Variants in ATP13A3 observed in about 807,000 individuals in gnomAD.
The protein encoded by ATP13A3 is polyamine-transporting ATPase 13A3.
A neutral mutation model predicts 158.1 loss-of-function variants in ATP13A3; 59 were observed. The observed-to-expected ratio is 0.37, with a 90% CI of 0.30 to 0.46. The LOEUF (loss-of-function observed/expected upper bound fraction) is 0.46, where lower values mean the gene tolerates loss of function less well. Ranked by LOEUF, ATP13A3 falls within the 20% of genes least tolerant of loss-of-function variation. The pLI is 1.00. For synonymous variants in ATP13A3, 491 were observed against 504.3 expected, an observed-to-expected ratio of 0.97 and a Z score of 0.35; for missense variants, 1,166 against 1,525.2, an observed-to-expected ratio of 0.76 and a Z score of 3.92.
intron 14 of ATP13A3, among the ~76,000 whole-genome samples, chr3:194,446,137 T>A (rs1718385294): frequency 1.3e-5 from 2 of 152,162 alleles, no homozygotes; most frequent in African/African-American, 4.8e-5. Context: ...TTTGAGCAAA[T>A]AAGCAATATC....
chr3:194,471,622 G>A (rs1404371035), intron 2 of ATP13A3, among the ~76,000 whole-genome samples: 1 of 152,174 alleles, frequency 6.6e-6, no homozygotes, highest in African/African-American at 2.4e-5. Flanking sequence ...CCAAAGTGCT[G>A]GGATTACAGG....
At chr3:194,457,970 G>A (rs1719354679) in intron 6 of ATP13A3, among the ~76,000 whole-genome samples, 1 of 151,982 alleles carries the variant, frequency 6.6e-6, no homozygotes, top group Non-Finnish European at 1.5e-5. Context: ...AATTTTAGTA[G>A]AGAAGGGGTT....
chr3:194,477,408 G>C (rs1720572487), intron 2 of ATP13A3, among the ~76,000 whole-genome samples: 1 of 152,094 alleles, frequency 6.6e-6, no homozygotes, highest in African/African-American at 2.4e-5. Context: ...TTCTTTTTGT[G>C]GGCAAAATTT....
intron 2 of ATP13A3, among the ~76,000 whole-genome samples, chr3:194,464,580 T>C (rs1348033984): frequency 6.6e-6 from 1 of 152,196 alleles, no homozygotes; most frequent in African/African-American, 2.4e-5. Flanking sequence ...TCGGCTATCA[T>C]CACCTGAATG....
At chr3:194,420,395 A>T (rs1418953287) in intron 30 of ATP13A3, 1 of 153,826 alleles carries the variant, frequency 6.5e-6, no homozygotes, top group Non-Finnish European at 1.4e-5. Flanking sequence ...GACAATTACT[A>T]TTGACTGTAA....
intron 20 of ATP13A3, 30 bp downstream of exon 20, chr3:194,437,064 CT>C: frequency 6.2e-7 from 1 of 1,606,038 alleles, no homozygotes; most frequent in Non-Finnish European, 8.5e-7. Flanking sequence ...ATGATGATGA[CT>C]GGGAAACTAG....
At chr3:194,457,033 T>C (rs1156792545) in intron 7 of ATP13A3, 61 bp downstream of exon 7, 1 of 1,216,750 alleles carries the variant, frequency 8.2e-7, no homozygotes, top group Non-Finnish European at 1.2e-6. Flanking sequence ...AAGGGTTGAT[T>C]ATGTATACTA....
chr3:194,473,047 A>G (rs910560677), intron 2 of ATP13A3, among the ~76,000 whole-genome samples: 2 of 152,178 alleles, frequency 1.3e-5, no homozygotes, highest in Non-Finnish European at 2.9e-5. Context: ...TACTCTGCTT[A>G]CTACCTGGTT....
intron 2 of ATP13A3, among the ~76,000 whole-genome samples, chr3:194,481,725 T>C (rs1039345544): frequency 3.3e-5 from 5 of 152,224 alleles, no homozygotes; most frequent in Admixed American, 6.5e-5. Flanking sequence ...AAAGATTCTG[T>C]AGACATCAGC....
At chr3:194,440,310 C>T (rs1717956597) in intron 16 of ATP13A3, among the ~76,000 whole-genome samples, 1 of 152,144 alleles carries the variant, frequency 6.6e-6, no homozygotes, top group South Asian at 2.1e-4. Context: ...GAGTCCTCCT[C>T]CAGAGACATA....
chr3:194,430,306 A>G lies in ATP13A3; in HGVS notation c.2634T>C (p.Val878=), dbSNP rs1249879342. Residue 878 remains valine (V), a synonymous_variant, in exon 25 of 34, where the codon GTT becomes GTC. Transcript: ENST00000645319. ...IEALQNVDYF[V]GMCGDGANDC... ...CATTTGCGCCATCACCACACATCCC[A>G]ACAAAATAACTAAGAAACAAAACAA... 6.2e-7 allele frequency: 1 copy of G among 1,613,506 alleles called. No homozygotes were observed. The highest frequency in any genetic ancestry group is 8.5e-7 in the Non-Finnish European group (1 of 1,179,654).
intron 28 of ATP13A3, among the ~76,000 whole-genome samples, chr3:194,427,469 T>C (rs1716872304): frequency 6.6e-6 from 1 of 151,906 alleles, no homozygotes; most frequent in Non-Finnish European, 1.5e-5. Flanking sequence ...CAGGAATAAT[T>C]TTTACATTTC....
chr3:194,462,228 G>A lies in ATP13A3; in HGVS notation c.-38C>T. 6.3e-7 allele frequency: 1 copy of A among 1,577,122 alleles called. No homozygotes were observed. The highest frequency in any genetic ancestry group is 8.7e-7 in the Non-Finnish European group (1 of 1,146,504). ...TTAAAGGTCCAGTGCTTCAAACAAT[G>A]GAAGATCACTGAGGGAAGAAAGGGA... is the stretch of plus-strand genomic sequence containing the variant. On this transcript the variant is annotated 5_prime_UTR_variant, in exon 3 of 34. Transcript: ENST00000645319.
At chr3:194,454,535 A>G (rs1482156761) in intron 8 of ATP13A3, 143 bp from the exon 9 acceptor site, 1 of 977,484 alleles carries the variant, frequency 1.0e-6, no homozygotes, top group Non-Finnish European at 1.5e-6. Context: ...TACTTCCCTA[A>G]AAAGTAGGGC....
chr3:194,410,940 GT>G (rs1560067369), intron 33 of ATP13A3, among the ~76,000 whole-genome samples: 3 of 96,898 alleles, frequency 3.1e-5, no homozygotes, highest in African/African-American at 2.5e-4. Flanking sequence ...GTGTTGGGGT[GT>G]GTGTGTGTGT....
intron 2 of ATP13A3, among the ~76,000 whole-genome samples, chr3:194,492,244 C>T (rs142344067): frequency 2.6e-3 from 402 of 152,212 alleles, no homozygotes; most frequent in African/African-American, 9.3e-3. Context: ...TCCTGACTCA[C>T]GGTCTTTGTA....
chr3:194,431,849 T>TCAGG lies in ATP13A3; in HGVS notation c.2288_2289insCCTG (p.Met764LeufsTer8). The stretch of plus-strand genomic sequence containing the variant: ...TCACTTTATCCTGAGGTAGAATCAT[T>TCAGG]CCACAATCTCTGGCCACAGAGACAG... On this transcript the variant is annotated frameshift_variant, in exon 22 of 34. Transcript: ENST00000645319. LOFTEE classifies it high-confidence loss of function. The TCAGG allele has an allele frequency of 6.2e-7, 1 of 1,609,600 alleles. No individual in the cohort carries two copies.
chr3:194,485,187 T>A (rs939712958), intron 2 of ATP13A3, among the ~76,000 whole-genome samples: 2 of 152,158 alleles, frequency 1.3e-5, no homozygotes, highest in Non-Finnish European at 2.9e-5. Context: ...CCTGATCTAA[T>A]GGTAGGATAA....
upstream of ATP13A3, among the ~76,000 whole-genome samples, chr3:194,489,844 G>A (rs1721124868): frequency 6.6e-6 from 1 of 152,160 alleles, no homozygotes. The surrounding 1 kb of genome is among the most constrained non-coding windows in gnomAD (Gnocchi z 4.1). Context: ...GCATGTTTAT[G>A]GGTTGAGGGA....
Sources: gnomAD v4.1 joint callset for allele counts (sites outside exome capture counted in the v4.1 genomes callset) on GRCh38, gnomAD v4.1.1 for gene constraint, Gnocchi (gnomAD v3.1) non-coding constraint, MANE v1.5 for transcripts, NCBI Gene and HGNC (gene_info 2026-07-23, HGNC 2026-07-21) for gene names.